PDE10A: variants seen among roughly 807,000 people sequenced by gnomAD.
PDE10A encodes cAMP and cAMP-inhibited cGMP 3',5'-cyclic phosphodiesterase 10A.
In PDE10A, 39 loss-of-function variants were observed where a neutral mutation model predicts 97.7. That is an observed-to-expected ratio of 0.40 (90% CI 0.31 to 0.52). The LOEUF is 0.52. PDE10A is among the 20% of genes least tolerant of loss of function. The pLI is 0.56. For missense variants in PDE10A, 731 were observed against 1,047.8 expected (o/e 0.70, Z 4.17); for synonymous variants, 371 against 376.8 (o/e 0.98, Z 0.18).
intron 1 of PDE10A, among the ~76,000 whole-genome samples, chr6:165,765,911 A>G (rs4709981): frequency 0.48 from 73,119 of 152,196 alleles, 18,530 homozygotes; most frequent in East Asian, 0.78. Context: ...ATTACTTTTA[A>G]ACAGTGAAGC....
intron 1 of PDE10A, among the ~76,000 whole-genome samples, chr6:165,687,265 G>A (rs925001821): frequency 4.6e-5 from 7 of 152,238 alleles, no homozygotes; most frequent in African/African-American, 1.7e-4. Context: ...TCATATCCAC[G>A]TGAGAAAGTT....
At chr6:165,543,716 G>C (rs1783587142) in intron 1 of PDE10A, 148 bp from the exon 2 acceptor site, 2 of 558,848 alleles carry the variant, frequency 3.6e-6, no homozygotes, top group African/African-American at 1.9e-5. Flanking sequence ...GGAAGCTACT[G>C]CTTAGTGGGT....
intron 2 of PDE10A, among the ~76,000 whole-genome samples, chr6:165,530,007 C>T (rs1782676600): frequency 6.6e-6 from 1 of 151,998 alleles, no homozygotes; most frequent in Non-Finnish European, 1.5e-5. Flanking sequence ...AAGGCAGACC[C>T]ACCCTTAAGC....
intron 1 of PDE10A, among the ~76,000 whole-genome samples, chr6:165,890,588 C>G (rs1781765330): frequency 6.6e-6 from 1 of 152,160 alleles, no homozygotes; most frequent in Non-Finnish European, 1.5e-5. Flanking sequence ...CTCCTCTAGG[C>G]AGGTAGAGAA....
At chr6:165,934,784 T>A (rs560774113) in intron 1 of PDE10A, among the ~76,000 whole-genome samples, 1 of 150,078 alleles carries the variant, frequency 6.7e-6, no homozygotes, top group South Asian at 2.1e-4. Flanking sequence ...CCACATTGGA[T>A]GACACTACTA....
chr6:165,654,251 C>G (rs1032875877), intron 1 of PDE10A, among the ~76,000 whole-genome samples: 27 of 152,198 alleles, frequency 1.8e-4, no homozygotes, highest in Admixed American at 1.1e-3. Flanking sequence ...TTCCCAGTCA[C>G]TCCCGTCATC....
intron 1 of PDE10A, among the ~76,000 whole-genome samples, chr6:165,879,894 T>C (rs1781431850): frequency 6.7e-6 from 1 of 149,522 alleles, no homozygotes; most frequent in Non-Finnish European, 1.5e-5. Flanking sequence ...TTAGGTCACA[T>C]TTACAGCTTC....
chr6:165,788,540 GAAAAGAAAAGA>G (rs1778560566), intron 1 of PDE10A, among the ~76,000 whole-genome samples: 3 of 82,652 alleles, frequency 3.6e-5, no homozygotes, highest in African/African-American at 9.7e-5. Context: ...AAAAAAAAAA[GAAAAGAAAAGA>G]AAAAGAAAAA....
chr6:165,594,235 T>C (rs1440975671), intron 1 of PDE10A, among the ~76,000 whole-genome samples: 1 of 152,284 alleles, frequency 6.6e-6, no homozygotes, highest in Non-Finnish European at 1.5e-5. Context: ...TGATTCCAGG[T>C]CTGAAATAGG....
chr6:165,967,599 A>G (rs191216438), intron 1 of PDE10A, among the ~76,000 whole-genome samples: 159 of 152,356 alleles, frequency 1.0e-3, no homozygotes, highest in Non-Finnish European at 1.8e-3. Flanking sequence ...AATACTGCAT[A>G]AGGAAAAGAT....
intron 1 of PDE10A, chr6:165,894,456 T>A (rs1385992025): frequency 2.2e-6 from 1 of 455,796 alleles, no homozygotes. Flanking sequence ...AAAAAATCAA[T>A]TGAACAAGTG....
At position 165,916,490 on chromosome 6, in the gene PDE10A, T is replaced by C. The variant is rs560219394; in HGVS notation, c.-615+71039A>G. Among the ~76,000 whole-genome samples the C allele has an allele frequency of 4.6e-5, 7 of 152,346 alleles. No individual in the cohort carries two copies. In the East Asian group the frequency reaches 9.6e-4, roughly 21 times the overall value. On this transcript the variant is annotated intron_variant, in intron 1 of 19. Coordinates refer to the PDE10A transcript ENST00000366882. ...TCGTAAATGAAGGTCATTTATGAGA[T>C]GGTAATAAGGTCAGCCCTTATGGCT...
chr6:165,545,126 T>C lies in PDE10A; in HGVS notation c.866-1558A>G, dbSNP rs907005024. 56 of 493,858 alleles carry C rather than the reference T, an allele frequency of 1.1e-4. No homozygotes were observed. The Admixed American group carries it at 1.3e-3, about 11-fold the overall frequency. 30.6% of individuals were successfully genotyped at this position (493,858 alleles called of 1,614,324 possible). A position where few individuals can be genotyped will look rare whatever the true frequency, so the allele number is the denominator to read the frequency against. On this transcript the variant is annotated intron_variant, in intron 1 of 21. Transcript: ENST00000539869. ...CTCTTTAGGTCCTCCATATTCAATA[T>C]TGATTCCTTCTTAAAATTTCTTTCT...
intron 18 of PDE10A, among the ~76,000 whole-genome samples, chr6:165,347,185 TACCTTC>T (rs1782371306): frequency 6.6e-6 from 1 of 152,174 alleles, no homozygotes; most frequent in African/African-American, 2.4e-5. Flanking sequence ...ATAACTACTA[TACCTTC>T]ATCAAAATGT....
At chr6:165,585,375 T>A (rs1038023881) in intron 1 of PDE10A, among the ~76,000 whole-genome samples, 1 of 152,258 alleles carries the variant, frequency 6.6e-6, no homozygotes, top group Admixed American at 6.5e-5. Context: ...ACAAACAAGG[T>A]GTTGCTGTGA....
chr6:165,462,012 G>T (rs535690429), intron 3 of PDE10A, among the ~76,000 whole-genome samples: 1 of 152,262 alleles, frequency 6.6e-6, no homozygotes, highest in South Asian at 2.1e-4. Flanking sequence ...TCTCACTTTG[G>T]GCTACAGGCC....
At chr6:165,390,111 G>A (rs988770343) in intron 16 of PDE10A, among the ~76,000 whole-genome samples, 2 of 152,142 alleles carry the variant, frequency 1.3e-5, no homozygotes, top group African/African-American at 4.8e-5. Flanking sequence ...GGAACAGACT[G>A]CATGGTCTAA....
chr6:165,754,640 T>C (rs1203561403), intron 1 of PDE10A, among the ~76,000 whole-genome samples: 1 of 152,178 alleles, frequency 6.6e-6, no homozygotes, highest in Non-Finnish European at 1.5e-5. Context: ...TATTACTTAA[T>C]TGGTTAAGAA....
intron 1 of PDE10A, among the ~76,000 whole-genome samples, chr6:165,793,216 ACT>A (rs1232717492): frequency 3.3e-5 from 5 of 152,082 alleles, no homozygotes; most frequent in Non-Finnish European, 7.4e-5. Context: ...CATGAGCCAA[ACT>A]ACCACAAGCC....
Sources: gnomAD v4.1 joint callset for allele counts (sites outside exome capture counted in the v4.1 genomes callset) on GRCh38, gnomAD v4.1.1 for gene constraint, MANE v1.5 for transcripts, NCBI Gene and HGNC (gene_info 2026-07-23, HGNC 2026-07-21) for gene names.